Variants in PYM1 observed in about 807,000 individuals in gnomAD.
PYM1 encodes the protein partner of Y14 and mago.
PYM1 carries 7 observed loss-of-function variants against 20.7 expected under a neutral mutation model. The observed-to-expected ratio is 0.34, with a 90% CI of 0.19 to 0.64. PYM1 has a LOEUF of 0.64. PYM1 is among the 30% of genes least tolerant of loss of function. The probability of loss-of-function intolerance (pLI) is 0.74; values close to 1 mark genes in which losing one functional copy is unlikely to be tolerated. For synonymous variants in PYM1, 100 were observed against 99.2 expected (o/e 1.01, Z -0.05); for missense variants, 194 against 250.0 (o/e 0.78, Z 1.51).
chr12:55,917,829 G>A (rs960186736), intron 1 of PYM1, among the ~76,000 whole-genome samples: 1 of 152,040 alleles, frequency 6.6e-6, no homozygotes, highest in Admixed American at 6.6e-5. Flanking sequence ...TCATGGTGGT[G>A]CATGCCTGTA....
chr12:55,924,851 A>AT (rs1883162339), intron 1 of PYM1, among the ~76,000 whole-genome samples: 1 of 152,118 alleles, frequency 6.6e-6, no homozygotes, highest in Non-Finnish European at 1.5e-5. Flanking sequence ...CACTCAGCTA[A>AT]TTTTAGTAGT....
At position 55,901,994 on chromosome 12, in the gene PYM1, C is replaced by T; in HGVS notation, c.493G>A (p.Glu165Lys). ...KNLKKKLRQV[E>K]ELQQRIQAGE... ...GCCTGGATCCGCTGCTGCAGCTCTT[C>T]CACCTGCCGGAGTTTCTTCTTTAGG... The change falls in exon 3 of 3, where the codon GAA becomes AAA. Residue 165 changes from glutamate to lysine, a missense_variant. By Grantham distance (56) the Glu-to-Lys change is moderately conservative. This residue lies in a region of PYM1 where 158 missense variants were observed against 179.0 expected (regional missense o/e 0.88). Transcript: ENST00000408946. The T allele has an allele frequency of 6.2e-7, 1 of 1,614,188 alleles. No homozygotes were observed. Among genetic ancestry groups the T allele is most frequent in the Non-Finnish European group, 8.5e-7 (1 of 1,180,030 alleles).
At chr12:55,918,899 C>A (rs1883053324) in intron 1 of PYM1, among the ~76,000 whole-genome samples, 2 of 152,120 alleles carry the variant, frequency 1.3e-5, no homozygotes. Flanking sequence ...GTAGTCCTAT[C>A]ATTTAATCAC....
chr12:55,917,953 C>T (rs1252042716), intron 1 of PYM1, among the ~76,000 whole-genome samples: 1 of 151,852 alleles, frequency 6.6e-6, no homozygotes, highest in Non-Finnish European at 1.5e-5. Flanking sequence ...AAGCAAGACT[C>T]CATCACAAAA....
intron 1 of PYM1, among the ~76,000 whole-genome samples, chr12:55,922,982 T>C (rs1211922862): frequency 6.6e-6 from 1 of 152,096 alleles, no homozygotes; most frequent in African/African-American, 2.4e-5. Context: ...TCCCAGCACT[T>C]TGGGAGGCCG....
intron 1 of PYM1, among the ~76,000 whole-genome samples, chr12:55,912,958 C>T (rs969460143): frequency 1.3e-5 from 2 of 151,992 alleles, no homozygotes; most frequent in African/African-American, 4.8e-5. Flanking sequence ...GAGCAAAACT[C>T]CGTCTCAAAA....
intron 1 of PYM1, among the ~76,000 whole-genome samples, chr12:55,923,802 G>A (rs1422450147): frequency 6.6e-6 from 1 of 152,018 alleles, no homozygotes; most frequent in Non-Finnish European, 1.5e-5. Flanking sequence ...AAATGGCTAG[G>A]CGTGGTGACT....
At chr12:55,914,123 CAT>C (rs1882967645) in intron 1 of PYM1, 2 of 501,334 alleles carry the variant, frequency 4.0e-6, no homozygotes, top group Admixed American at 3.4e-5. Flanking sequence ...ATACTACAAA[CAT>C]ATATTTAAGT....
chr12:55,902,424 C>T (rs1040839931), intron 2 of PYM1, 69 bp from the exon 3 acceptor site: 2 of 1,524,436 alleles, frequency 1.3e-6, no homozygotes, highest in African/African-American at 1.4e-5. Flanking sequence ...TCTTAAACTT[C>T]CAAACACTTC....
At chr12:55,920,039 A>T (rs1883072025) in intron 1 of PYM1, among the ~76,000 whole-genome samples, 1 of 152,092 alleles carries the variant, frequency 6.6e-6, no homozygotes, top group Non-Finnish European at 1.5e-5. Context: ...CTATAAAAAA[A>T]TTCAAAAATT....
intron 1 of PYM1, among the ~76,000 whole-genome samples, chr12:55,903,934 C>T (rs957127674): frequency 4.1e-4 from 62 of 152,108 alleles, no homozygotes; most frequent in Admixed American, 4.1e-3. Context: ...CACACCAGTA[C>T]ACGAGGATGT....
Position 55,927,841 on chromosome 12 carries a change from G to C in PYM1, c.-80C>G. On this transcript the variant is annotated 5_prime_UTR_variant, in exon 1 of 3. Coordinates refer to ENST00000408946, the MANE Select transcript of PYM1 (RefSeq NM_032345.3). ...CGCTGGGCGGCGCCGGGGATTCGGCGGCGAAGTGATGAGGGCCCTAGTTGC... is the reference window on the plus strand; with the variant it reads ...CGCTGGGCGGCGCCGGGGATTCGGCCGCGAAGTGATGAGGGCCCTAGTTGC... 1 of 1,503,782 alleles carries C rather than the reference G, an allele frequency of 6.6e-7. No individual in the cohort carries two copies. Among genetic ancestry groups the C allele is most frequent in the Admixed American group, 2.1e-5 (1 of 46,962 alleles). The allele number at this position is 1,503,782 out of a possible 1,614,324, so 93.2% of individuals were successfully genotyped here. A position where few individuals can be genotyped will look rare whatever the true frequency, so the allele number is the denominator to read the frequency against.
intron 1 of PYM1, among the ~76,000 whole-genome samples, chr12:55,920,455 T>C (rs1215426258): frequency 6.6e-6 from 1 of 151,806 alleles, no homozygotes; most frequent in Non-Finnish European, 1.5e-5. Context: ...CTAGACAACA[T>C]GGTAAAACAC....
intron 1 of PYM1, among the ~76,000 whole-genome samples, chr12:55,917,158 G>A (rs1050857850): frequency 9.9e-5 from 15 of 151,522 alleles, no homozygotes; most frequent in African/African-American, 4.9e-5. Flanking sequence ...GGCTCACCAT[G>A]CCTGCAATCC....
intron 1 of PYM1, among the ~76,000 whole-genome samples, chr12:55,923,869 A>G (rs972501945): frequency 1.3e-5 from 2 of 152,060 alleles, no homozygotes; most frequent in Admixed American, 1.3e-4. Flanking sequence ...CGAGGTCAGG[A>G]GTTCGAGGCC....
intron 1 of PYM1, among the ~76,000 whole-genome samples, chr12:55,908,299 C>A (rs912117752): frequency 6.6e-6 from 1 of 151,430 alleles, no homozygotes; most frequent in Non-Finnish European, 1.5e-5. Context: ...GGCATGGTGG[C>A]ACGTTTGTAA....
chr12:55,905,720 A>G (rs1463319138), intron 1 of PYM1, among the ~76,000 whole-genome samples: 2 of 16,936 alleles, frequency 1.2e-4, no homozygotes, highest in African/African-American at 2.1e-4. Flanking sequence ...AAATATATAT[A>G]TATGTATATA....
At chr12:55,909,714 T>A (rs1327544306) in intron 1 of PYM1, among the ~76,000 whole-genome samples, 1 of 152,040 alleles carries the variant, frequency 6.6e-6, no homozygotes, top group Admixed American at 6.6e-5. Context: ...AGATACATTA[T>A]CAAAGAATCA....
In PYM1 at chr12:55,927,885, A is replaced by C. The variant is rs948331059; in HGVS notation, c.-124T>G. ...TAGTTGCTTCTCGCCCAGACCTCCT[A>C]ACCCTGAGTGCCTCCTCGGGCTGGG... On this transcript the variant is annotated 5_prime_UTR_variant, in exon 1 of 3. Transcript: ENST00000408946. 4.7e-6 allele frequency: 6 copies of C among 1,283,420 alleles called. No homozygotes were observed. Among genetic ancestry groups the C allele is most frequent in the South Asian group, 1.4e-5 (1 of 69,606 alleles). The allele number at this position is 1,283,420 out of a possible 1,614,324, so 79.5% of individuals were successfully genotyped here.
Sources: gnomAD v4.1 joint callset for allele counts (sites outside exome capture counted in the v4.1 genomes callset) on GRCh38, gnomAD v4.1.1 for gene constraint, gnomAD v4.1.1 regional missense constraint, MANE v1.5 for transcripts, NCBI Gene and HGNC (gene_info 2026-07-23, HGNC 2026-07-21) for gene names.